The following TAFA1 variants were observed in gnomAD, a reference collection of about 807,000 sequenced individuals.
TAFA1 encodes the protein TAFA chemokine like family member 1, also known as chemokine-like protein TAFA-1.
TAFA1 carries 4 observed loss-of-function variants against 18.5 expected under a neutral mutation model. That is an observed-to-expected ratio of 0.22 (90% CI 0.11 to 0.49). The LOEUF is 0.49. Ranked by LOEUF, TAFA1 falls within the 20% of genes least tolerant of loss-of-function variation. TAFA1 has a pLI of 0.98. For synonymous variants in TAFA1, 56 were observed against 55.2 expected (o/e 1.01, Z -0.06); for missense variants, 147 against 169.0 (o/e 0.87, Z 0.72).
At chr3:68,106,231 C>T (rs2065202258) in intron 2 of TAFA1, among the ~76,000 whole-genome samples, 1 of 151,624 alleles carries the variant, frequency 6.6e-6, no homozygotes, top group Non-Finnish European at 1.5e-5. Context: ...CAAAGATTAA[C>T]TTGAAATATA....
intron 2 of TAFA1, among the ~76,000 whole-genome samples, chr3:68,016,335 C>G (rs1054129780): frequency 2.0e-5 from 3 of 152,150 alleles, no homozygotes; most frequent in Non-Finnish European, 2.9e-5. Context: ...CATATTTTTA[C>G]CGTACCTTTT....
intron 2 of TAFA1, among the ~76,000 whole-genome samples, chr3:68,023,704 GA>G (rs111731750): frequency 0.019 from 2,841 of 152,218 alleles, 99 homozygotes; most frequent in African/African-American, 0.065. Flanking sequence ...AGTCTATAAA[GA>G]AGGCAAAAGT....
chr3:68,124,063 G>A (rs531249540), intron 2 of TAFA1, among the ~76,000 whole-genome samples: 2 of 152,168 alleles, frequency 1.3e-5, no homozygotes, highest in East Asian at 3.9e-4. Context: ...TTTTTGAAGC[G>A]TTTGCTGATT....
At chr3:68,079,706 A>T (rs1218525844) in intron 2 of TAFA1, among the ~76,000 whole-genome samples, 2 of 152,056 alleles carry the variant, frequency 1.3e-5, no homozygotes, top group African/African-American at 4.8e-5. Flanking sequence ...GTTCTTTTAC[A>T]TTTGCTGAGG....
intron 2 of TAFA1, among the ~76,000 whole-genome samples, chr3:68,163,794 A>G (rs2065952009): frequency 6.6e-6 from 1 of 152,198 alleles, no homozygotes; most frequent in Admixed American, 6.5e-5. Context: ...TTTAACTAAT[A>G]AACTGGAAGA....
intron 2 of TAFA1, among the ~76,000 whole-genome samples, chr3:68,287,010 A>C (rs766477687): frequency 2.4e-4 from 36 of 152,200 alleles, no homozygotes; most frequent in Non-Finnish European, 4.3e-4. Context: ...CCCCGCAGTC[A>C]GCCACAGCAC....
chr3:68,521,846 G>A (rs369325425), intron 3 of TAFA1, among the ~76,000 whole-genome samples: 1 of 57,222 alleles, frequency 1.7e-5, no homozygotes, highest in African/African-American at 6.8e-5. Context: ...GTTTTTCTGT[G>A]TTTTTTTCTG....
intron 2 of TAFA1, among the ~76,000 whole-genome samples, chr3:68,085,861 C>T (rs2064964948): frequency 6.6e-6 from 1 of 152,144 alleles, no homozygotes; most frequent in Non-Finnish European, 1.5e-5. Flanking sequence ...TTCCACAGTT[C>T]ATGTAGTGAA....
In TAFA1 at chr3:68,237,201, T is replaced by C. The variant is rs1575697790; in HGVS notation, c.119-180079T>C. ...GCAGATTCAGTGTCTGGTGAAGGCC[T>C]GCCTTCTGGTTCACAGATGGTGTCT... is the stretch of plus-strand genomic sequence containing the variant. On this transcript the variant is annotated intron_variant, in intron 2 of 4. Transcript: ENST00000478136. 2.0e-5 allele frequency among the ~76,000 whole-genome samples: 3 copies of C among 152,288 alleles called. No homozygotes were observed. In the South Asian group the frequency reaches 6.2e-4, roughly 32 times the overall value.
chr3:68,436,171 A>T (rs987423123), intron 3 of TAFA1, among the ~76,000 whole-genome samples: 2 of 152,162 alleles, frequency 1.3e-5, no homozygotes, highest in Non-Finnish European at 2.9e-5. Flanking sequence ...TAAATCTTCC[A>T]TGTGGCATTA....
intron 2 of TAFA1, among the ~76,000 whole-genome samples, chr3:68,208,680 G>A (rs2066556684): frequency 6.6e-6 from 1 of 151,872 alleles, no homozygotes; most frequent in African/African-American, 2.4e-5. Flanking sequence ...CAGGGCCCCA[G>A]GGATTTCATC....
chr3:68,513,813 A>C (rs1327079353), intron 3 of TAFA1, among the ~76,000 whole-genome samples: 1 of 152,234 alleles, frequency 6.6e-6, no homozygotes, highest in Non-Finnish European at 1.5e-5. Context: ...TTTGACTACC[A>C]TACTATTCTG....
chr3:68,230,352 T>A (rs1575693577), intron 2 of TAFA1, among the ~76,000 whole-genome samples: 1 of 152,010 alleles, frequency 6.6e-6, no homozygotes, highest in African/African-American at 2.4e-5. Flanking sequence ...ATCCCACATA[T>A]AAGTGAAAAA....
At chr3:68,129,911 T>C (rs2065516979) in intron 2 of TAFA1, among the ~76,000 whole-genome samples, 1 of 152,200 alleles carries the variant, frequency 6.6e-6, no homozygotes, top group Non-Finnish European at 1.5e-5. Flanking sequence ...AAGACTCTCA[T>C]ACATGTTAGC....
At chr3:68,072,750 A>T (rs2064772767) in intron 2 of TAFA1, among the ~76,000 whole-genome samples, 1 of 152,134 alleles carries the variant, frequency 6.6e-6, no homozygotes, top group South Asian at 2.1e-4. Flanking sequence ...GGAGTTTGTG[A>T]CACCTGTGGG....
At chr3:68,381,788 C>T (rs1451167862) in intron 2 of TAFA1, among the ~76,000 whole-genome samples, 1 of 152,156 alleles carries the variant, frequency 6.6e-6, no homozygotes, top group Admixed American at 6.5e-5. Context: ...ATTGCCCTGG[C>T]CAGAACTTCC....
intron 2 of TAFA1, among the ~76,000 whole-genome samples, chr3:68,095,664 T>C (rs1231668978): frequency 6.6e-5 from 10 of 152,162 alleles, no homozygotes; most frequent in Admixed American, 6.6e-4. Context: ...ATGATGATGG[T>C]GGTGATGATA....
chr3:68,028,572 C>T (rs1461536242), intron 2 of TAFA1, among the ~76,000 whole-genome samples: 2 of 151,954 alleles, frequency 1.3e-5, no homozygotes, highest in Admixed American at 1.3e-4. Context: ...AGCAGGGCTA[C>T]GCTCCTATGG....
chr3:68,268,770 T>A (rs1040639735), intron 2 of TAFA1, among the ~76,000 whole-genome samples: 1 of 152,236 alleles, frequency 6.6e-6, no homozygotes, highest in South Asian at 2.1e-4. Context: ...TTAACTCACA[T>A]GCTCCCTGCA....
Sources: gnomAD v4.1 joint callset for allele counts (sites outside exome capture counted in the v4.1 genomes callset) on GRCh38, gnomAD v4.1.1 for gene constraint, MANE v1.5 for transcripts, NCBI Gene and HGNC (gene_info 2026-07-23, HGNC 2026-07-21) for gene names.